The following HSDL1 variants were observed in gnomAD, a reference collection of about 807,000 sequenced individuals.
The protein encoded by HSDL1 is inactive hydroxysteroid dehydrogenase-like protein 1.
HSDL1 carries 29 observed loss-of-function variants against 31.5 expected under a neutral mutation model. The ratio of observed to expected loss-of-function variants is 0.92; its 90% confidence interval spans 0.69 to 1.26. HSDL1 has a LOEUF of 1.26. Among genes scored for constraint, HSDL1 ranks in the 50% most tolerant of loss-of-function variants. HSDL1 has a pLI of 0.00. For synonymous variants in HSDL1, 222 were observed against 155.2 expected, an observed-to-expected ratio of 1.43 and a Z score of -3.20; for missense variants, 503 against 416.6, an observed-to-expected ratio of 1.21 and a Z score of -1.81.
chr16:84,135,227 C>T (rs1324716653), intron 2 of HSDL1, among the ~76,000 whole-genome samples: 1 of 148,988 alleles, frequency 6.7e-6, no homozygotes, highest in Admixed American at 6.7e-5. Context: ...AGGGAGACTC[C>T]GTCTCAAAAA....
At chr16:84,143,211 CAAAT>C (rs1373426682) in intron 1 of HSDL1, among the ~76,000 whole-genome samples, 1 of 152,128 alleles carries the variant, frequency 6.6e-6, no homozygotes, top group Non-Finnish European at 1.5e-5. Context: ...TGTCCATCAA[CAAAT>C]GAATGAATAA....
intron 1 of HSDL1, among the ~76,000 whole-genome samples, chr16:84,142,379 C>G (rs1275129953): frequency 6.8e-6 from 1 of 146,530 alleles, no homozygotes; most frequent in Non-Finnish European, 1.5e-5. Context: ...CAGTTTAAGT[C>G]TTTAATCCTC....
At chr16:84,134,319 G>A (rs1243109578) in intron 2 of HSDL1, among the ~76,000 whole-genome samples, 2 of 152,116 alleles carry the variant, frequency 1.3e-5, no homozygotes, top group Admixed American at 6.6e-5. Flanking sequence ...TATCCTATAA[G>A]AACATTAAAA....
chr16:84,143,155 TCA>T (rs2086784376), intron 1 of HSDL1, among the ~76,000 whole-genome samples: 1 of 152,184 alleles, frequency 6.6e-6, no homozygotes, highest in African/African-American at 2.4e-5. Flanking sequence ...GCTTGCATGT[TCA>T]CAGTGGCCTA....
chr16:84,142,381 T>G (rs2086776533), intron 1 of HSDL1, among the ~76,000 whole-genome samples: 1 of 151,998 alleles, frequency 6.6e-6, no homozygotes, highest in South Asian at 2.1e-4. Flanking sequence ...GTTTAAGTCT[T>G]TAATCCTCCT....
chr16:84,142,906 C>A (rs2086781777), intron 1 of HSDL1, among the ~76,000 whole-genome samples: 1 of 152,190 alleles, frequency 6.6e-6, no homozygotes, highest in South Asian at 2.1e-4. Flanking sequence ...ATTGGTGTAT[C>A]AAGACTTTTT....
intron 1 of HSDL1, among the ~76,000 whole-genome samples, chr16:84,142,802 T>C (rs531796519): frequency 2.6e-5 from 4 of 152,258 alleles, no homozygotes; most frequent in Admixed American, 1.3e-4. Context: ...ATAAACAGAA[T>C]CAAATACTGC....
intron 5 of HSDL1, among the ~76,000 whole-genome samples, chr16:84,128,850 G>C (rs1270131391): frequency 1.3e-5 from 2 of 151,888 alleles, no homozygotes; most frequent in African/African-American, 2.4e-5. Flanking sequence ...TGGGACTACA[G>C]GCACACACCA....
intron 5 of HSDL1, among the ~76,000 whole-genome samples, chr16:84,126,512 A>G (rs546094195): frequency 6.6e-6 from 1 of 152,234 alleles, no homozygotes; most frequent in South Asian, 2.1e-4. Context: ...CCTGCTCTCA[A>G]TGCCAACAGT....
chr16:84,144,736 G>A (rs1003921843), intron 1 of HSDL1, among the ~76,000 whole-genome samples: 1 of 151,704 alleles, frequency 6.6e-6, no homozygotes, highest in Admixed American at 6.6e-5. Context: ...TCGCGGTTTG[G>A]GGGGCAAGGC....
intron 3 of HSDL1, 41 bp downstream of exon 3, chr16:84,131,061 G>A (rs376250739): frequency 9.8e-5 from 146 of 1,485,764 alleles, no homozygotes; most frequent in African/African-American, 1.8e-4. Context: ...TAATGCATCC[G>A]ACTTCACAGA....
chr16:84,125,214 C>CCAAT (rs796459795), intron 5 of HSDL1: 1 of 153,104 alleles, frequency 6.5e-6, no homozygotes, highest in African/African-American at 2.5e-5. Flanking sequence ...CAAATACCCA[C>CCAAT]CAATCACAAC....
chr16:84,131,554 G>A (rs1484287146), intron 2 of HSDL1, among the ~76,000 whole-genome samples: 3 of 151,502 alleles, frequency 2.0e-5, no homozygotes, highest in South Asian at 4.1e-4. Flanking sequence ...TCACCCTGTC[G>A]CCCAGGCTGG....
At chr16:84,143,346 A>T (rs1260325465) in intron 1 of HSDL1, among the ~76,000 whole-genome samples, 1 of 152,246 alleles carries the variant, frequency 6.6e-6, no homozygotes, top group Non-Finnish European at 1.5e-5. Context: ...CAGAAACCAA[A>T]TACAAAAGGC....
intron 5 of HSDL1, among the ~76,000 whole-genome samples, chr16:84,126,736 CCACACA>C (rs34136601): frequency 6.6e-6 from 1 of 151,118 alleles, no homozygotes; most frequent in African/African-American, 2.4e-5. Context: ...ACACCCACAC[CCACACA>C]CACACACACT....
Position 84,129,652 on chromosome 16 carries a change from T to C in HSDL1, c.790A>G (p.Arg264Gly), listed in dbSNP as rs762240282. ...GGCGAAGGCACCAACCACGAGCACC[T>C]GTGCAGAAAGTTGCTGGGTGCTGTC... Reference protein sequence around the residue: ...SMTAPSNFLHRCSWLVPSPKV... With the variant: ...SMTAPSNFLHGCSWLVPSPKV... Residue 264 changes from arginine to glycine, a missense_variant, in exon 5 of 6, where the codon AGG becomes GGG. Coordinates refer to ENST00000219439, the MANE Select transcript of HSDL1 (RefSeq NM_031463.5). The C allele has an allele frequency of 1.9e-6, 3 of 1,614,210 alleles. No homozygotes were observed. The South Asian group carries it at 3.3e-5, about 18-fold the overall frequency.
chr16:84,129,956 G>C, intron 4 of HSDL1, 30 bp downstream of exon 4: 1 of 1,593,166 alleles, frequency 6.3e-7, no homozygotes, highest in Non-Finnish European at 8.6e-7. Flanking sequence ...GTGGCATTAG[G>C]ATTTCATCTT....
intron 2 of HSDL1, 36 bp from the exon 3 acceptor site, chr16:84,131,363 T>C (rs757909447): frequency 7.1e-7 from 1 of 1,415,782 alleles, no homozygotes; most frequent in African/African-American, 1.4e-5. Flanking sequence ...GCCTCTTTGA[T>C]TAATAAATTA....
At chr16:84,131,377 G>A (rs2086664032) in intron 2 of HSDL1, 50 bp from the exon 3 acceptor site, 2 of 1,283,506 alleles carry the variant, frequency 1.6e-6, no homozygotes, top group East Asian at 4.6e-5. Flanking sequence ...TAAATTAAAG[G>A]AACATACACA....
Sources: gnomAD v4.1 joint callset for allele counts (sites outside exome capture counted in the v4.1 genomes callset) on GRCh38, gnomAD v4.1.1 for gene constraint, MANE v1.5 for transcripts, NCBI Gene and HGNC (gene_info 2026-07-23, HGNC 2026-07-21) for gene names.